WDR43: variants seen among roughly 807,000 people sequenced by gnomAD.
WDR43 encodes WD repeat domain 43, also known as WD repeat-containing protein 43.
Under a neutral mutation model 91.4 loss-of-function variants are expected in WDR43, and 13 were observed. The ratio of observed to expected loss-of-function variants is 0.14; its 90% CI spans 0.09 to 0.23. The LOEUF (loss-of-function observed/expected upper bound fraction) is 0.23. Among genes scored for constraint, WDR43 ranks in the 10% least tolerant of loss-of-function variants. WDR43 has a pLI of 1.00. For missense variants in WDR43, 780 were observed against 809.4 expected, an observed-to-expected ratio of 0.96 and a Z score of 0.44; for synonymous variants, 331 against 287.9, an observed-to-expected ratio of 1.15 and a Z score of -1.51.
chr2:28,907,605 G>A (rs981506221), intron 3 of WDR43, among the ~76,000 whole-genome samples: 3 of 143,082 alleles, frequency 2.1e-5, no homozygotes, highest in African/African-American at 5.3e-5. Flanking sequence ...GGAGCAAGAC[G>A]CTGTCTCAAA....
In WDR43 at chr2:28,902,098, A is replaced by G. The variant is rs768543146; in HGVS notation, c.337A>G (p.Lys113Glu). The change falls in exon 2 of 18, where the codon AAA becomes GAA. Residue 113 changes from lysine (K) to glutamate (E), a missense_variant. Lys to Glu is a moderately conservative substitution (Grantham distance 56, BLOSUM62 1). Around this residue, in one of 4 missense-constraint regions of WDR43, gnomAD observed 174 missense variants for 207.3 expected, o/e 0.84. Coordinates refer to ENST00000407426, the MANE Select transcript of WDR43 (RefSeq NM_015131.3). ...TAGCATTTTATTATACAGCACAGTA[A>G]AAGGAGAGTTACACAGTAAATTAAT... ...VGSILLYSTVKGELHSKLISG... is the reference protein window; with the variant it reads ...VGSILLYSTVEGELHSKLISG... 2 of 1,592,688 alleles carry G rather than the reference A, an allele frequency of 1.3e-6. No homozygotes were observed. Among genetic ancestry groups the G allele is most frequent in the Non-Finnish European group, 1.7e-6 (2 of 1,170,116 alleles).
rs117739272 is a variant in WDR43 at position 28,929,908 on chromosome 2, T to G, written c.1437+198T>G. On this transcript the variant is annotated intron_variant, in intron 11 of 17. Transcript: ENST00000407426. ...AACCTACAACGGGATTGCATTGAGT[T>G]ATTTTGAACCTGGAATGCATTTTCT... The G allele has an allele frequency of 5.2e-4, 322 of 613,904 alleles. 2 individuals are homozygous for G. In the East Asian group the frequency reaches 8.7e-3, roughly 17 times the overall value. The allele number at this position is 613,904 out of a possible 1,614,324, so 38.0% of individuals were successfully genotyped here. A position where few individuals can be genotyped will look rare whatever the true frequency, so the allele number is the denominator to read the frequency against.
rs758907007 is a variant in WDR43 at position 28,946,524 on chromosome 2, A to G, written c.1854+25A>G. 2.5e-6 allele frequency: 4 copies of G among 1,605,518 alleles called. No homozygotes were observed. The South Asian group carries it at 4.5e-5, about 18-fold the overall frequency. Reference sequence around the variant, plus strand: ...AGTGAGTGATTTGTTCCCTGTATATACATCGGCCTTTATATCCTCATACTC... The same window carrying G: ...AGTGAGTGATTTGTTCCCTGTATATGCATCGGCCTTTATATCCTCATACTC... On this transcript the variant is annotated intron_variant, in intron 17 of 17. Coordinates refer to ENST00000407426, the MANE Select transcript of WDR43 (RefSeq NM_015131.3).
intron 1 of WDR43, among the ~76,000 whole-genome samples, chr2:28,899,103 C>T (rs551485001): frequency 1.3e-5 from 2 of 152,250 alleles, no homozygotes; most frequent in African/African-American, 4.8e-5. Flanking sequence ...CTCCTTAGTC[C>T]GAGAAATCAC....
intron 8 of WDR43, 35 bp downstream of exon 8, chr2:28,925,188 G>A: frequency 1.3e-6 from 2 of 1,558,480 alleles, no homozygotes; most frequent in Non-Finnish European, 1.7e-6. Flanking sequence ...AAGCAATATA[G>A]CATCCCTGTG....
chr2:28,923,051 A>G (rs988159903), intron 7 of WDR43, 68 bp downstream of exon 7: 2 of 1,331,224 alleles, frequency 1.5e-6, no homozygotes, highest in African/African-American at 2.9e-5. Flanking sequence ...TCATACTCCC[A>G]CCTGGTTATT....
At chr2:28,934,379 A>G (rs955691247) in intron 11 of WDR43, among the ~76,000 whole-genome samples, 15 of 152,174 alleles carry the variant, frequency 9.9e-5, no homozygotes, top group Non-Finnish European at 2.1e-4. Flanking sequence ...GAGTATGTCA[A>G]ACTGATCAAG....
chr2:28,919,741 A>G (rs1670985697), intron 6 of WDR43, among the ~76,000 whole-genome samples: 1 of 152,236 alleles, frequency 6.6e-6, no homozygotes, highest in African/African-American at 2.4e-5. Context: ...GCTTGTGTAC[A>G]TTCAGTGTGA....
intron 6 of WDR43, among the ~76,000 whole-genome samples, chr2:28,921,154 A>G (rs1671016993): frequency 2.0e-5 from 3 of 146,702 alleles, no homozygotes; most frequent in African/African-American, 7.7e-5. Flanking sequence ...TTTGAGACGG[A>G]GTCTTGCTTT....
chr2:28,940,043 C>G (rs1037584652), intron 14 of WDR43, among the ~76,000 whole-genome samples: 5 of 140,406 alleles, frequency 3.6e-5, no homozygotes, highest in Admixed American at 3.1e-4. Context: ...CCCGGGGGGG[C>G]AGAGGTTGCA....
At chr2:28,933,128 A>C (rs1470143380) in intron 11 of WDR43, among the ~76,000 whole-genome samples, 1 of 152,216 alleles carries the variant, frequency 6.6e-6, no homozygotes, top group Non-Finnish European at 1.5e-5. Context: ...CCACCTTCGT[A>C]GAAATTGACA....
At chr2:28,895,264 G>C (rs1670455371) in intron 1 of WDR43, 1 of 238,700 alleles carries the variant, frequency 4.2e-6, no homozygotes, top group Admixed American at 5.7e-5. Context: ...TGGCTCATCA[G>C]AGTTCTGGTT....
intron 11 of WDR43, among the ~76,000 whole-genome samples, chr2:28,931,160 C>G (rs946424047): frequency 4.7e-5 from 7 of 150,526 alleles, no homozygotes; most frequent in African/African-American, 1.5e-4. Context: ...ACTGCTATCT[C>G]TGCCTCCCAG....
At chr2:28,901,595 G>A (rs1051360670) in intron 1 of WDR43, among the ~76,000 whole-genome samples, 1 of 152,134 alleles carries the variant, frequency 6.6e-6, no homozygotes, top group Non-Finnish European at 1.5e-5. Context: ...ATGGACTTAC[G>A]GATTCATAGA....
chr2:28,903,542 A>G (rs1312726083), intron 2 of WDR43, among the ~76,000 whole-genome samples: 9 of 152,192 alleles, frequency 5.9e-5, no homozygotes, highest in Non-Finnish European at 1.3e-4. Context: ...TTAGGAATGT[A>G]TTACTTGTTT....
chr2:28,925,836 A>G (rs931419986), intron 8 of WDR43, among the ~76,000 whole-genome samples: 1 of 152,204 alleles, frequency 6.6e-6, no homozygotes, highest in Non-Finnish European at 1.5e-5. Flanking sequence ...AGCTGTAAAC[A>G]TGGCTCCTTG....
At chr2:28,899,778 ATG>A (rs904826134) in intron 1 of WDR43, among the ~76,000 whole-genome samples, 78 of 152,282 alleles carry the variant, frequency 5.1e-4, no homozygotes, top group African/African-American at 1.7e-3. Flanking sequence ...TTCTGGTCTG[ATG>A]TGTTACCTTT....
intron 8 of WDR43, among the ~76,000 whole-genome samples, chr2:28,925,967 G>A (rs1460435559): frequency 1.3e-5 from 2 of 152,036 alleles, no homozygotes; most frequent in African/African-American, 4.8e-5. Flanking sequence ...ATCTTTATTG[G>A]TTTGCTGCAT....
At chr2:28,932,053 T>G (rs1294083268) in intron 11 of WDR43, among the ~76,000 whole-genome samples, 1 of 152,056 alleles carries the variant, frequency 6.6e-6, no homozygotes, top group Non-Finnish European at 1.5e-5. Context: ...TTTTTAAAAT[T>G]TTTTTGGTAG....
Sources: gnomAD v4.1 joint callset for allele counts (sites outside exome capture counted in the v4.1 genomes callset) on GRCh38, gnomAD v4.1.1 for gene constraint, gnomAD v4.1.1 regional missense constraint, MANE v1.5 for transcripts, NCBI Gene and HGNC (gene_info 2026-07-23, HGNC 2026-07-21) for gene names.